Variants in AGBL5 observed in about 807,000 individuals in gnomAD.
AGBL5 encodes the protein cytosolic carboxypeptidase-like protein 5.
In AGBL5, 51 loss-of-function variants were observed where a neutral mutation model predicts 88.0. The observed-to-expected ratio is 0.58, with a 90% CI of 0.46 to 0.73. The LOEUF (loss-of-function observed/expected upper bound fraction) is 0.73, where lower values mean the gene tolerates loss of function less well. AGBL5 is among the 30% of genes least tolerant of loss of function. The pLI is 0.00. For missense variants in AGBL5, 1,031 were observed against 1,162.2 expected (o/e 0.89, Z 1.64); for synonymous variants, 446 against 438.8 (o/e 1.02, Z -0.21).
rs1314854626 is a variant in AGBL5 at position 27,058,382 on chromosome 2, A to C, written c.1672-18A>C. 1 of 1,612,386 alleles carries C rather than the reference A, an allele frequency of 6.2e-7. No homozygotes were observed. Among genetic ancestry groups the C allele is most frequent in the African/African-American group, 1.3e-5 (1 of 74,876 alleles). ...ATGGGAGGACCAGCATGCTGAGCCA[A>C]ACTGGACTACCCCACAGGTGGGACG... On this transcript the variant is annotated intron_variant, in intron 9 of 14. Transcript: ENST00000360131.
At chr2:27,058,046 A>G (rs1668526512) in intron 9 of AGBL5, among the ~76,000 whole-genome samples, 1 of 151,974 alleles carries the variant, frequency 6.6e-6, no homozygotes, top group Non-Finnish European at 1.5e-5. Context: ...CCACTGTACT[A>G]CAGCCTGGGC....
chr2:27,057,559 A>G (rs1345687256), intron 9 of AGBL5, 121 bp downstream of exon 9: 15 of 1,189,622 alleles, frequency 1.3e-5, no homozygotes, highest in Admixed American at 8.9e-5. Context: ...CCGTCTCACC[A>G]CTATGATTAT....
At chr2:27,068,793 G>A (rs7575465) in intron 13 of AGBL5, 49 bp downstream of exon 13, 862,122 of 1,603,848 alleles carry the variant, frequency 0.54, 242,407 homozygotes, top group East Asian at 0.78. Context: ...AACCCAGCAA[G>A]GCACTGTTCC....
chr2:27,069,583 G>T lies in AGBL5; in HGVS notation c.2366G>T (p.Arg789Met), dbSNP rs1190201671. 2 of 1,614,056 alleles carry T rather than the reference G, an allele frequency of 1.2e-6. No individual in the cohort carries two copies. Among genetic ancestry groups the T allele is most frequent in the Non-Finnish European group, 1.7e-6 (2 of 1,179,904 alleles). Residue 789 changes from arginine to methionine, a missense_variant, in exon 14 of 15, where the codon AGG (arginine) becomes ATG (methionine). By Grantham distance (91) the Arg-to-Met change is moderately conservative. Transcript: ENST00000360131. ...CIKTRLQARP[R>M]LGRGSPPTRR... ...ACCCTGTCCACACAGGCTAGGCCCA[G>T]GTTGGGCCGGGGCTCACCGCCGACT...
At chr2:27,066,596 G>C (rs940806722) in intron 11 of AGBL5, among the ~76,000 whole-genome samples, 1 of 152,096 alleles carries the variant, frequency 6.6e-6, no homozygotes, top group African/African-American at 2.4e-5. Context: ...GCAATCAGTG[G>C]TAAGAGGGGA....
intron 7 of AGBL5, 115 bp downstream of exon 7, chr2:27,056,253 T>C: frequency 8.9e-7 from 1 of 1,125,286 alleles, no homozygotes; most frequent in Non-Finnish European, 1.3e-6. Flanking sequence ...GGAAGGCCTG[T>C]GTAGACTACC....
At chr2:27,068,836 G>C (rs1011595066) in intron 13 of AGBL5, 92 bp downstream of exon 13, 7 of 1,555,022 alleles carry the variant, frequency 4.5e-6, no homozygotes, top group Non-Finnish European at 6.1e-6. Flanking sequence ...GCTCAGCACT[G>C]CTTTACTGCA....
Position 27,059,275 on chromosome 2 carries a change from A to G in AGBL5, c.1960A>G (p.Ser654Gly), listed in dbSNP as rs757516304. 6.2e-7 allele frequency: 1 copy of G among 1,614,134 alleles called. No individual in the cohort carries two copies. The highest frequency in any genetic ancestry group is 1.3e-5 in the African/African-American group (1 of 74,952). Residue 654 changes from serine (S) to glycine (G), a missense_variant, in exon 11 of 15, where the codon AGC (serine) becomes GGC (glycine). This residue lies in a region of AGBL5 where 491 missense variants were observed against 484.0 expected (regional missense o/e 1.01). Coordinates refer to ENST00000360131, the MANE Select transcript of AGBL5 (RefSeq NM_021831.6). ...CACAAGTGCCGGTGGTAGCAGCAGC[A>G]GCCAACAAAATTCTCCACAGATGAA... is the stretch of plus-strand genomic sequence containing the variant. ...TGTSAGGSSS[S>G]QQNSPQMKNS...
In AGBL5 at chr2:27,056,610, C is replaced by T; in HGVS notation, c.1366-13C>T. 6.3e-7 allele frequency: 1 copy of T among 1,584,018 alleles called. No individual in the cohort carries two copies. The highest frequency in any genetic ancestry group is 8.6e-7 in the Non-Finnish European group (1 of 1,160,562). On this transcript the variant is annotated splice_polypyrimidine_tract_variant and intron_variant, in intron 7 of 14. Transcript: ENST00000360131. ...TGTCTCTCCTTCTGAGTTGACTTTT[C>T]TTCCCCAAACAGGTGGAAAACATGC...
At chr2:27,067,387 C>G (rs1287439180) in intron 11 of AGBL5, 107 bp from the exon 12 acceptor site, 1 of 1,130,866 alleles carries the variant, frequency 8.8e-7, no homozygotes. Flanking sequence ...TGATGACAAG[C>G]TTGAAAACTG....
intron 13 of AGBL5, chr2:27,069,130 T>C: frequency 1.5e-6 from 2 of 1,338,544 alleles, no homozygotes; most frequent in South Asian, 2.5e-5. Flanking sequence ...GGAACAGCCC[T>C]GCCACCAACT....
rs570049459 is a variant in AGBL5 at position 27,055,007 on chromosome 2, C to G, written c.730-68C>G. The G allele has an allele frequency of 3.2e-5, 49 of 1,537,214 alleles. 1 individual carries two copies. In the South Asian group the frequency reaches 5.2e-4, roughly 16 times the overall value. ...GCTATTCCTGCCTCATCCATGACAC[C>G]CCCCATATACTGTCAAAGTAGAACT... On this transcript the variant is annotated intron_variant, in intron 5 of 14. Transcript: ENST00000360131.
chr2:27,067,705 G>C (rs1231994712), intron 12 of AGBL5, 59 bp downstream of exon 12: 1 of 1,604,138 alleles, frequency 6.2e-7, no homozygotes, highest in East Asian at 2.2e-5. Flanking sequence ...GCCAGGCCAG[G>C]TTCTTTAAGC....
rs775990525 is a variant in AGBL5 at position 27,068,786 on chromosome 2, C to G, written c.2355+42C>G. 3.1e-6 allele frequency: 5 copies of G among 1,609,438 alleles called. No homozygotes were observed. The Admixed American group carries it at 6.8e-5, about 22-fold the overall frequency. On this transcript the variant is annotated intron_variant, in intron 13 of 14. Transcript: ENST00000360131. ...TCCAGCATAGCTACTCTGGCAGAAC[C>G]CAGCAAGGCACTGTTCCTCTGGGTA...
intron 11 of AGBL5, among the ~76,000 whole-genome samples, chr2:27,066,508 T>C (rs942704201): frequency 1.3e-5 from 2 of 152,048 alleles, no homozygotes; most frequent in Admixed American, 6.6e-5. Flanking sequence ...TAAGAGTAAG[T>C]AGAGCAGGAG....
chr2:27,060,624 CTG>C (rs1668668039), intron 11 of AGBL5, among the ~76,000 whole-genome samples: 1 of 152,162 alleles, frequency 6.6e-6, no homozygotes, highest in Non-Finnish European at 1.5e-5. Context: ...CAGACATGTG[CTG>C]TGTCAGTGGC....
chr2:27,055,834 C>G lies in AGBL5; in HGVS notation c.1061C>G (p.Ser354Cys). ...SQSSSEHQPS[S>C]CLPPDAPVSD... ...AGTTCCTCTGAGCACCAGCCCAGTTCCTGTCTCCCTCCTGATGCTCCTGTT... is the reference window on the plus strand; with the variant it reads ...AGTTCCTCTGAGCACCAGCCCAGTTGCTGTCTCCCTCCTGATGCTCCTGTT... Residue 354 changes from serine to cysteine, a missense_variant, in exon 7 of 15, where the codon TCC becomes TGC. This residue lies in a region of AGBL5 where 540 missense variants were observed against 678.2 expected (regional missense o/e 0.80). Transcript: ENST00000360131. The G allele has an allele frequency of 6.2e-7, 1 of 1,614,194 alleles. No individual in the cohort carries two copies. Among genetic ancestry groups the G allele is most frequent in the Middle Eastern group, 1.6e-4 (1 of 6,062 alleles).
intron 6 of AGBL5, 164 bp from the exon 7 acceptor site, chr2:27,055,518 C>T: frequency 1.2e-6 from 1 of 812,586 alleles, no homozygotes; most frequent in Non-Finnish European, 1.9e-6. Context: ...GTAAGGGTGA[C>T]AGCAGATCAA....
chr2:27,061,229 AATTTTT>A, intron 11 of AGBL5: 1 of 99,000 alleles, frequency 1.0e-5, no homozygotes, highest in Non-Finnish European at 2.0e-5. Context: ...ACATCCAGCT[AATTTTT>A]TTTTTTTTTT....
Sources: gnomAD v4.1 joint callset for allele counts (sites outside exome capture counted in the v4.1 genomes callset) on GRCh38, gnomAD v4.1.1 for gene constraint, gnomAD v4.1.1 regional missense constraint, MANE v1.5 for transcripts, NCBI Gene and HGNC (gene_info 2026-07-23, HGNC 2026-07-21) for gene names.